TENM2: variants seen among roughly 807,000 people sequenced by gnomAD.
TENM2 encodes the protein teneurin-2.
Under a neutral mutation model 245.2 loss-of-function variants are expected in TENM2, and 52 were observed. That is an observed-to-expected ratio of 0.21 (90% confidence interval 0.17 to 0.27). TENM2 has a LOEUF of 0.27. Ranked by LOEUF, TENM2 falls within the 10% of genes least tolerant of loss-of-function variation. The probability of loss-of-function intolerance (pLI) is 1.00; values close to 1 mark genes in which losing one functional copy is unlikely to be tolerated. For missense variants in TENM2, 3,046 were observed against 3,666.8 expected (o/e 0.83, Z 4.37); for synonymous variants, 1,363 against 1,438.9 (o/e 0.95, Z 1.19).
At chr5:167,828,857 A>G (rs1372677376) in intron 2 of TENM2, among the ~76,000 whole-genome samples, 5 of 152,236 alleles carry the variant, frequency 3.3e-5, no homozygotes, top group African/African-American at 1.2e-4. Context: ...TCTATTTGAC[A>G]AATAAGAAAT....
chr5:167,061,506 G>C, the TENM2 span, among the ~76,000 whole-genome samples: 5 of 152,176 alleles, frequency 3.3e-5, no homozygotes, highest in Non-Finnish European at 7.3e-5. Flanking sequence ...ATGCTCAAGG[G>C]TTGATGAAAC....
intron 5 of TENM2, among the ~76,000 whole-genome samples, chr5:168,002,140 G>C (rs1370632865): frequency 6.6e-6 from 1 of 152,206 alleles, no homozygotes; most frequent in Admixed American, 6.5e-5. Context: ...AGCCATGGAT[G>C]AGAAGAGAGG....
chr5:167,155,960 T>C, the TENM2 span, among the ~76,000 whole-genome samples: 1,337 of 152,340 alleles, frequency 8.8e-3, 20 homozygotes, highest in African/African-American at 0.031. Context: ...TTGTCACTCT[T>C]GAGCGTGTCT....
At chr5:168,013,785 C>T (rs75301992) in intron 5 of TENM2, among the ~76,000 whole-genome samples, 98 of 152,296 alleles carry the variant, frequency 6.4e-4, no homozygotes, top group African/African-American at 2.2e-3. Context: ...GGGCTTACAA[C>T]ACAAGCTTAT....
chr5:167,468,084 G>A (rs1181463046), intron 2 of TENM2, among the ~76,000 whole-genome samples: 2 of 152,106 alleles, frequency 1.3e-5, no homozygotes, highest in African/African-American at 2.4e-5. Flanking sequence ...TTACAGGTGT[G>A]AGCCACTATG....
chr5:167,686,277 C>G (rs1757069276), intron 2 of TENM2, among the ~76,000 whole-genome samples: 2 of 152,112 alleles, frequency 1.3e-5, no homozygotes, highest in South Asian at 4.1e-4. Flanking sequence ...TGTGTGGAGC[C>G]TATGACTTTT....
chr5:168,078,357 A>C lies in TENM2; in HGVS notation c.1516-12217A>C, dbSNP rs548643380. ...CTTTTTCAGATGGGTAGACTGTAAA[A>C]ATTTTCTCCCATTCTGTAGGTTGCC... On this transcript the variant is annotated intron_variant, in intron 7 of 28. Coordinates refer to ENST00000518659, the Ensembl canonical transcript of TENM2. Among the ~76,000 whole-genome samples the C allele has an allele frequency of 7.9e-4, 120 of 152,192 alleles. 1 individual carries two copies. Among genetic ancestry groups the C allele is most frequent in the Middle Eastern group, 6.8e-3 (2 of 294 alleles).
chr5:167,372,675 T>C (rs1561903067), intron 1 of TENM2, among the ~76,000 whole-genome samples: 1 of 152,266 alleles, frequency 6.6e-6, no homozygotes, highest in Non-Finnish European at 1.5e-5. Context: ...GTTTGGGTTT[T>C]CATTTATTGT....
intron 2 of TENM2, among the ~76,000 whole-genome samples, chr5:167,629,602 C>T (rs924636485): frequency 5.9e-5 from 9 of 152,108 alleles, no homozygotes; most frequent in Non-Finnish European, 1.0e-4. Context: ...GAACATAAAG[C>T]AAGATAGTGT....
intron 5 of TENM2, among the ~76,000 whole-genome samples, chr5:167,997,239 A>G (rs568689570): frequency 6.6e-6 from 1 of 152,250 alleles, no homozygotes; most frequent in East Asian, 1.9e-4. Context: ...TGTCTCCTTG[A>G]AGGTCTTTCT....
chr5:167,112,336 T>C, the TENM2 span, among the ~76,000 whole-genome samples: 1 of 152,338 alleles, frequency 6.6e-6, no homozygotes, highest in Non-Finnish European at 1.5e-5. Flanking sequence ...CAATAGAAGA[T>C]GTGCAAATTT....
At chr5:167,002,295 G>A in the TENM2 span, among the ~76,000 whole-genome samples, 2 of 152,108 alleles carry the variant, frequency 1.3e-5, no homozygotes, top group African/African-American at 4.8e-5. Flanking sequence ...TAAATTGTAT[G>A]TGAACTCTTT....
At chr5:167,292,594 C>T (rs532258781) in intron 1 of TENM2, among the ~76,000 whole-genome samples, 69 of 152,256 alleles carry the variant, frequency 4.5e-4, no homozygotes, top group Admixed American at 1.1e-3. Flanking sequence ...TTTTAAAACA[C>T]GGCCTTATTT....
At chr5:168,091,973 A>G (rs12109830) in intron 8 of TENM2, among the ~76,000 whole-genome samples, 2,085 of 152,348 alleles carry the variant, frequency 0.014, 44 homozygotes, top group African/African-American at 0.047. Flanking sequence ...CATGACAAAT[A>G]AAACGTGTGT....
intron 12 of TENM2, among the ~76,000 whole-genome samples, chr5:168,162,033 T>C (rs1247394236): frequency 1.3e-5 from 2 of 152,192 alleles, no homozygotes; most frequent in African/African-American, 4.8e-5. Flanking sequence ...GCAGCCAACA[T>C]CTTTAAGTGC....
chr5:167,149,977 G>T, the TENM2 span, among the ~76,000 whole-genome samples: 3 of 152,090 alleles, frequency 2.0e-5, no homozygotes, highest in African/African-American at 7.2e-5. Context: ...ATGAAAGAAT[G>T]AAAAGATAAA....
At chr5:168,027,366 G>T (rs951417523) in intron 5 of TENM2, among the ~76,000 whole-genome samples, 1 of 152,178 alleles carries the variant, frequency 6.6e-6, no homozygotes, top group East Asian at 1.9e-4. Context: ...CCCTAGAATG[G>T]CTTTTTGTTT....
intron 20 of TENM2, 121 bp from the exon 23 acceptor site, chr5:168,214,919 A>T: frequency 1.3e-6 from 1 of 784,596 alleles, no homozygotes; most frequent in South Asian, 1.5e-5. Flanking sequence ...TTTCCAGTTC[A>T]CTAAAGTGGA....
At chr5:167,821,877 C>T (rs1767555578) in intron 2 of TENM2, among the ~76,000 whole-genome samples, 1 of 152,082 alleles carries the variant, frequency 6.6e-6, no homozygotes, top group Admixed American at 6.6e-5. Context: ...TTCACCAGAA[C>T]TTTCATTCAG....
Sources: gnomAD v4.1 joint callset for allele counts (sites outside exome capture counted in the v4.1 genomes callset) on GRCh38, gnomAD v4.1.1 for gene constraint, MANE v1.5 for transcripts, NCBI Gene and HGNC (gene_info 2026-07-23, HGNC 2026-07-21) for gene names.